TPM4: variants seen among roughly 807,000 people sequenced by gnomAD.
The protein encoded by TPM4 is tropomyosin alpha-4 chain.
A neutral mutation model predicts 35.8 loss-of-function variants in TPM4; 17 were observed. The ratio of observed to expected loss-of-function variants is 0.47; its 90% CI spans 0.32 to 0.71. The LOEUF is 0.71. Ranked by LOEUF, TPM4 falls within the 30% of genes least tolerant of loss-of-function variation. The probability of loss-of-function intolerance (pLI) is 0.03; values close to 1 mark genes in which losing one functional copy is unlikely to be tolerated. For missense variants in TPM4, 240 were observed against 320.9 expected (o/e 0.75, Z 1.93); for synonymous variants, 120 against 122.9 (o/e 0.98, Z 0.15).
intron 1 of TPM4, chr19:16,081,029 T>C (rs550886196): frequency 5.0e-6 from 2 of 398,566 alleles, no homozygotes; most frequent in African/African-American, 2.1e-5. Context: ...GCCAGGCGGA[T>C]TGAAGGATGG....
chr19:16,102,443 C>T lies in TPM4; in HGVS notation c.*1097C>T, dbSNP rs1485450766. ...GGAGTTCAGTCCAATTCAGGTCAGC[C>T]ATATCCAAAAGACCACAAGTCATTA... On this transcript the variant is annotated 3_prime_UTR_variant, in exon 8 of 8. Coordinates refer to ENST00000643579, the MANE Select transcript of TPM4 (RefSeq NM_003290.3). 5 of 223,630 alleles carry T rather than the reference C, an allele frequency of 2.2e-5. No homozygotes were observed. Among genetic ancestry groups the T allele is most frequent in the Non-Finnish European group, 4.5e-5 (5 of 111,750 alleles). 13.9% of individuals were successfully genotyped at this position (223,630 alleles called of 1,614,324 possible).
At chr19:16,098,623 G>C (rs532119316) in intron 7 of TPM4, among the ~76,000 whole-genome samples, 24 of 152,016 alleles carry the variant, frequency 1.6e-4, no homozygotes, top group African/African-American at 5.5e-4. Context: ...AAGATGAAGC[G>C]AAGTCAGGAT....
chr19:16,085,061 C>T (rs111660467), intron 2 of TPM4, among the ~76,000 whole-genome samples: 3,065 of 151,882 alleles, frequency 0.02, 117 homozygotes, highest in African/African-American at 0.071. Context: ...GACCAGCCTG[C>T]GCAACATAGT....
chr19:16,087,678 C>T (rs1248465575), intron 3 of TPM4, among the ~76,000 whole-genome samples: 7 of 152,136 alleles, frequency 4.6e-5, no homozygotes, highest in South Asian at 2.1e-4. Context: ...GTCAGGAATT[C>T]GAGACCAGCC....
chr19:16,071,742 G>A (rs1253684301), upstream of TPM4, among the ~76,000 whole-genome samples: 1 of 152,240 alleles, frequency 6.6e-6, no homozygotes, highest in African/African-American at 2.4e-5. Context: ...GATCCCAGCA[G>A]CCAAGCACTG....
chr19:16,100,084 T>G (rs988567485), intron 7 of TPM4: 12 of 152,224 alleles, frequency 7.9e-5, no homozygotes, highest in Non-Finnish European at 1.6e-4. Context: ...GAAATCTTCA[T>G]GTAGCAGCAC....
chr19:16,088,207 C>T (rs1268610545), intron 4 of TPM4, 110 bp downstream of exon 4: 26 of 1,474,004 alleles, frequency 1.8e-5, no homozygotes, highest in Admixed American at 5.9e-5. Flanking sequence ...CTCAAGTGGA[C>T]GGGCGTCAGG....
At chr19:16,083,760 T>TC (rs1259125586) in intron 2 of TPM4, among the ~76,000 whole-genome samples, 3 of 146,782 alleles carry the variant, frequency 2.0e-5, no homozygotes, top group South Asian at 2.2e-4. Context: ...TTCATTTCTT[T>TC]TTTTTTTTTT....
rs184469601 is a variant in TPM4, at chr19:16,098,456, G to T, written c.665-2808G>T. On this transcript the variant is annotated intron_variant, in intron 7 of 7. Transcript: ENST00000643579. ...AGTGAGACTCCGCCTCAAAAAAAAA[G>T]AAAAGAAAAGAAAAGAGATTAGCAC... 3.4e-3 allele frequency among the ~76,000 whole-genome samples: 521 copies of T among 151,096 alleles called. 2 individuals are homozygous for T. Among genetic ancestry groups the T allele is most frequent in the Non-Finnish European group, 5.4e-3 (365 of 67,730 alleles).
intron 3 of TPM4, among the ~76,000 whole-genome samples, chr19:16,086,753 G>A (rs147661942): frequency 6.6e-6 from 1 of 152,270 alleles, no homozygotes; most frequent in South Asian, 2.1e-4. Context: ...AACGTAATGG[G>A]AAAACCGAAT....
Position 16,076,530 on chromosome 19 carries a change from T to C in TPM4, c.-36T>C. 7.1e-7 allele frequency: 1 copy of C among 1,408,890 alleles called. No individual in the cohort carries two copies. Among genetic ancestry groups the C allele is most frequent in the Non-Finnish European group, 9.2e-7 (1 of 1,085,524 alleles). The allele number at this position is 1,408,890 out of a possible 1,614,324, so 87.3% of individuals were successfully genotyped here. ...CGCCGGAGCCGAGCCCAGCCGAGCGTCCGCCGCTGCCCGTGCGCCTCTGCG... is the reference window on the plus strand; with the variant it reads ...CGCCGGAGCCGAGCCCAGCCGAGCGCCCGCCGCTGCCCGTGCGCCTCTGCG... On this transcript the variant is annotated 5_prime_UTR_variant, in exon 1 of 8. Coordinates refer to ENST00000643579, the MANE Select transcript of TPM4 (RefSeq NM_003290.3).
chr19:16,101,296 G>A lies in TPM4; in HGVS notation c.697G>A (p.Gly233Ser). ...KLAQAKEENV[G>S]LHQTLDQTLN... ...TGCCCAGGCCAAAGAAGAGAACGTG[G>A]GCTTACATCAGACACTGGATCAGAC... Residue 233 changes from glycine (G) to serine (S), a missense_variant, in exon 8 of 8, where the codon GGC becomes AGC. Gly to Ser is a moderately conservative substitution (Grantham distance 56). Coordinates refer to ENST00000643579, the MANE Select transcript of TPM4 (RefSeq NM_003290.3). The A allele has an allele frequency of 4.4e-6, 7 of 1,608,850 alleles. No individual in the cohort carries two copies. Among genetic ancestry groups the A allele is most frequent in the Non-Finnish European group, 5.9e-6 (7 of 1,177,588 alleles).
chr19:16,074,097 G>A (rs187910196), upstream of TPM4, among the ~76,000 whole-genome samples: 149 of 150,560 alleles, frequency 9.9e-4, no homozygotes, highest in African/African-American at 3.1e-3. Flanking sequence ...GGGTGAGCAC[G>A]TAGCCCAGAC....
chr19:16,089,801 T>G (rs1482262841), intron 5 of TPM4, among the ~76,000 whole-genome samples: 5 of 151,800 alleles, frequency 3.3e-5, no homozygotes, highest in Admixed American at 2.0e-4. Flanking sequence ...CCACCTGCTA[T>G]TCACTCAACT....
At chr19:16,085,031 G>A (rs959461189) in intron 2 of TPM4, among the ~76,000 whole-genome samples, 3 of 151,946 alleles carry the variant, frequency 2.0e-5, no homozygotes, top group South Asian at 2.1e-4. Flanking sequence ...CGGGCGGATC[G>A]CTTGAGCCCA....
intron 5 of TPM4, among the ~76,000 whole-genome samples, chr19:16,090,778 T>C (rs2090617220): frequency 6.6e-6 from 1 of 151,916 alleles, no homozygotes; most frequent in Admixed American, 6.6e-5. Context: ...GTTGTGTCCC[T>C]AGTACTAGCA....
intron 7 of TPM4, among the ~76,000 whole-genome samples, chr19:16,099,331 C>T (rs751133857): frequency 3.3e-5 from 5 of 149,682 alleles, no homozygotes; most frequent in Non-Finnish European, 7.4e-5. Flanking sequence ...TCCATGGTGT[C>T]TCATGCCAGT....
intron 7 of TPM4, among the ~76,000 whole-genome samples, chr19:16,096,385 T>C (rs1266878543): frequency 1.3e-5 from 2 of 152,162 alleles, no homozygotes; most frequent in African/African-American, 4.8e-5. Context: ...TTTCCTTAAA[T>C]AGAAATTGTT....
rs144988642 is a variant in TPM4 at position 16,095,461 on chromosome 19, G to A, written c.664+1708G>A. 109 of 1,024,956 alleles carry A rather than the reference G, an allele frequency of 1.1e-4. No homozygotes were observed. The African/African-American group carries it at 1.8e-3, about 17-fold the overall frequency. The allele number at this position is 1,024,956 out of a possible 1,614,324, so 63.5% of individuals were successfully genotyped here. Reference sequence around the variant, plus strand: ...GGTTTGAACGTCAGAGCCTTCTTCTGATGTGTCTGTGACTCTACAACCGAA... The same window carrying A: ...GGTTTGAACGTCAGAGCCTTCTTCTAATGTGTCTGTGACTCTACAACCGAA... On this transcript the variant is annotated intron_variant, in intron 7 of 7. Transcript: ENST00000643579.
Sources: allele counts gnomAD v4.1 joint callset (sites outside exome capture counted in the v4.1 genomes callset), GRCh38; gene constraint gnomAD v4.1.1; transcripts MANE v1.5; gene names NCBI Gene and HGNC (gene_info 2026-07-23, HGNC 2026-07-21).